The following BAZ2B variants were observed in gnomAD, a reference collection of about 807,000 sequenced individuals.
BAZ2B encodes bromodomain adjacent to zinc finger domain 2B.
Under a neutral mutation model 246.0 loss-of-function variants are expected in BAZ2B, and 91 were observed. The ratio of observed to expected loss-of-function variants is 0.37; its 90% CI spans 0.31 to 0.44. The LOEUF is 0.44. Ranked by LOEUF, BAZ2B falls within the 20% of genes least tolerant of loss-of-function variation. The pLI, the probability that BAZ2B is intolerant of heterozygous loss-of-function variation, is 1.00. For missense variants in BAZ2B, 2,332 were observed against 2,533.7 expected (o/e 0.92, Z 1.71); for synonymous variants, 855 against 860.0 (o/e 0.99, Z 0.10).
intron 1 of BAZ2B, among the ~76,000 whole-genome samples, chr2:159,575,634 A>C (rs999304586): frequency 1.3e-5 from 2 of 152,200 alleles, no homozygotes; most frequent in Non-Finnish European, 2.9e-5. Context: ...CTGTAAAGTG[A>C]GGAATGGAGA....
rs756243494 is a variant in BAZ2B, at chr2:159,562,614, T to C, written c.-45-6749A>G. Among the ~76,000 whole-genome samples the C allele has an allele frequency of 3.3e-4, 50 of 152,196 alleles. 1 individual carries two copies. The highest frequency in any genetic ancestry group is 5.9e-5 in the Non-Finnish European group (4 of 68,022). ...AAGTGAACCAATCACTTGGGTGAAG[T>C]AATACAATGAAGTTTCATTTGAGAA... On this transcript the variant is annotated intron_variant, in intron 1 of 36. Transcript: ENST00000392783.
intron 27 of BAZ2B, among the ~76,000 whole-genome samples, chr2:159,358,678 C>T (rs1245073573): frequency 2.0e-5 from 3 of 152,154 alleles, no homozygotes; most frequent in African/African-American, 7.2e-5. Context: ...AGCACCACAT[C>T]GCACTTATTC....
the BAZ2B span, among the ~76,000 whole-genome samples, chr2:159,659,947 G>A: frequency 6.6e-6 from 1 of 151,818 alleles, no homozygotes; most frequent in South Asian, 2.1e-4. Flanking sequence ...TTTTCATTGA[G>A]GTAAAATAAA....
the BAZ2B span, among the ~76,000 whole-genome samples, chr2:159,623,026 G>GAAGA: frequency 9.4e-6 from 1 of 106,780 alleles, no homozygotes; most frequent in Non-Finnish European, 1.8e-5. Context: ...GGAAAGAAAA[G>GAAGA]AAGAAAGAAA....
At chr2:159,591,433 T>C (rs1174036329) in intron 1 of BAZ2B, among the ~76,000 whole-genome samples, 2 of 152,118 alleles carry the variant, frequency 1.3e-5, no homozygotes, top group Non-Finnish European at 2.9e-5. Context: ...TCTGTTTCTA[T>C]GGCAACAAAG....
At chr2:159,385,069 C>T in intron 23 of BAZ2B, 86 bp downstream of exon 23, 1 of 1,401,424 alleles carries the variant, frequency 7.1e-7, no homozygotes, top group Admixed American at 1.9e-5. Flanking sequence ...TGTAACTTTC[C>T]AATTTTCTAT....
chr2:159,624,270 T>C, the BAZ2B span, among the ~76,000 whole-genome samples: 1 of 152,132 alleles, frequency 6.6e-6, no homozygotes, highest in African/African-American at 2.4e-5. Flanking sequence ...GGGCAAAGCT[T>C]CAGAAGTAAA....
chr2:159,628,339 CA>C, the BAZ2B span, among the ~76,000 whole-genome samples: 1 of 152,118 alleles, frequency 6.6e-6, no homozygotes, highest in African/African-American at 2.4e-5. Context: ...CATATGGAAC[CA>C]AAAATGAGCC....
intron 2 of BAZ2B, among the ~76,000 whole-genome samples, chr2:159,515,300 T>G (rs2083318679): frequency 6.6e-6 from 1 of 152,084 alleles, no homozygotes. Flanking sequence ...TAAATAATTT[T>G]AAGTATATTT....
At chr2:159,465,884 A>G (rs1341284893) in intron 3 of BAZ2B, among the ~76,000 whole-genome samples, 4 of 152,054 alleles carry the variant, frequency 2.6e-5, no homozygotes. Context: ...ACTGCACTCC[A>G]GCCTGGACAA....
chr2:159,329,954 G>C (rs1187443428), intron 34 of BAZ2B, among the ~76,000 whole-genome samples: 1 of 152,126 alleles, frequency 6.6e-6, no homozygotes, highest in South Asian at 2.1e-4. Flanking sequence ...AATTCATAGA[G>C]TATTAGAGAA....
intron 34 of BAZ2B, 38 bp from the exon 35 acceptor site, chr2:159,325,956 G>A (rs1209913904): frequency 1.6e-5 from 24 of 1,508,446 alleles, no homozygotes; most frequent in Admixed American, 4.6e-5. Flanking sequence ...GTGTAAGAAA[G>A]TGACTGTCTA....
At chr2:159,514,655 G>GT (rs2151208262) in intron 2 of BAZ2B, among the ~76,000 whole-genome samples, 1 of 152,186 alleles carries the variant, frequency 6.6e-6, no homozygotes, top group Non-Finnish European at 1.5e-5. Flanking sequence ...TCTGGCTCTG[G>GT]TATTTACTGG....
chr2:159,429,345 A>G, intron 10 of BAZ2B, 85 bp from the exon 11 acceptor site: 1 of 785,120 alleles, frequency 1.3e-6, no homozygotes. Flanking sequence ...TCTTTAAAAA[A>G]GTATATGTTA....
At chr2:159,574,268 C>T (rs1158391805) in intron 1 of BAZ2B, among the ~76,000 whole-genome samples, 1 of 133,642 alleles carries the variant, frequency 7.5e-6, no homozygotes, top group Admixed American at 8.5e-5. Context: ...TGCTCAATAT[C>T]ATTAGTCATC....
intron 34 of BAZ2B, among the ~76,000 whole-genome samples, chr2:159,331,210 C>T (rs1475666945): frequency 9.2e-5 from 14 of 152,158 alleles, no homozygotes; most frequent in African/African-American, 4.8e-5. Context: ...TATGTGAGCC[C>T]GGATGCAGAA....
At chr2:159,341,243 AC>A (rs1289005338) in intron 31 of BAZ2B, among the ~76,000 whole-genome samples, 2 of 138,598 alleles carry the variant, frequency 1.4e-5, no homozygotes, top group African/African-American at 2.5e-5. Flanking sequence ...GATAAAAAAA[AC>A]AAACAAACAA....
intron 2 of BAZ2B, among the ~76,000 whole-genome samples, chr2:159,489,121 G>T (rs2080168347): frequency 6.6e-6 from 1 of 152,022 alleles, no homozygotes; most frequent in Non-Finnish European, 1.5e-5. Flanking sequence ...CCATGGATAG[G>T]TATTTCTTGA....
intron 2 of BAZ2B, among the ~76,000 whole-genome samples, chr2:159,534,668 G>A (rs976591472): frequency 1.3e-5 from 2 of 148,996 alleles, no homozygotes; most frequent in South Asian, 2.1e-4. Context: ...TCGCTCTGTC[G>A]CCAGGCTGGA....
Sources: allele counts gnomAD v4.1 joint callset (sites outside exome capture counted in the v4.1 genomes callset), GRCh38; gene constraint gnomAD v4.1.1; transcripts MANE v1.5; gene names NCBI Gene and HGNC (gene_info 2026-07-23, HGNC 2026-07-21).